STXBP5L: variants seen among roughly 807,000 people sequenced by gnomAD.
STXBP5L encodes syntaxin binding protein 5L, also known as syntaxin-binding protein 5-like.
Under a neutral mutation model 144.5 loss-of-function variants are expected in STXBP5L, and 65 were observed. The ratio of observed to expected loss-of-function variants is 0.45; its 90% CI spans 0.37 to 0.55. The LOEUF (loss-of-function observed/expected upper bound fraction) is 0.55. Among genes scored for constraint, STXBP5L ranks in the 20% least tolerant of loss-of-function variants. The pLI, the probability that STXBP5L is intolerant of heterozygous loss-of-function variation, is 0.00. For missense variants in STXBP5L, 1,298 were observed against 1,405.5 expected (o/e 0.92, Z 1.22); for synonymous variants, 505 against 469.6 (o/e 1.08, Z -0.97).
At position 121,378,820 on chromosome 3, in the gene STXBP5L, A is replaced by G; in HGVS notation, c.2281A>G (p.Arg761Gly). The change falls in exon 21 of 27, where the codon AGA becomes GGA. Residue 761 changes from arginine to glycine, a missense_variant. Arg to Gly is a moderately radical substitution (Grantham distance 125). Transcript: ENST00000471454. Reference sequence around the variant, plus strand: ...AAAAGTAAATCGCTGGGGTCCTGGAAGACCACCATTTCGAAAGGCCCAGTC... The same window carrying G: ...AAAAGTAAATCGCTGGGGTCCTGGAGGACCACCATTTCGAAAGGCCCAGTC... ...VSKVNRWGPGRPPFRKAQSAA... is the reference protein window; with the variant it reads ...VSKVNRWGPGGPPFRKAQSAA... The G allele has an allele frequency of 6.2e-7, 1 of 1,613,774 alleles. No homozygotes were observed. Among genetic ancestry groups the G allele is most frequent in the South Asian group, 1.1e-5 (1 of 91,072 alleles).
intron 3 of STXBP5L, among the ~76,000 whole-genome samples, chr3:121,017,271 G>A (rs1012689834): frequency 6.6e-6 from 1 of 152,008 alleles, no homozygotes; most frequent in South Asian, 2.1e-4. Context: ...CAACAAACTA[G>A]GAATGGAAGG....
intron 5 of STXBP5L, among the ~76,000 whole-genome samples, chr3:121,084,898 G>T (rs948241343): frequency 2.2e-4 from 34 of 151,846 alleles, no homozygotes; most frequent in African/African-American, 7.7e-4. Context: ...CTTTTTAATG[G>T]TCATCATTCT....
At chr3:121,096,856 A>G (rs2043156385) in intron 5 of STXBP5L, among the ~76,000 whole-genome samples, 1 of 152,140 alleles carries the variant, frequency 6.6e-6, no homozygotes, top group Non-Finnish European at 1.5e-5. Context: ...TCTGATGGTT[A>G]GTATAGCTCA....
At chr3:121,335,527 A>G (rs2044475570) in intron 20 of STXBP5L, among the ~76,000 whole-genome samples, 2 of 152,194 alleles carry the variant, frequency 1.3e-5, no homozygotes, top group African/African-American at 4.8e-5. Flanking sequence ...AACTGGAAGC[A>G]TCATGTTACC....
chr3:121,116,026 A>G (rs962025357), intron 6 of STXBP5L, among the ~76,000 whole-genome samples: 2 of 152,212 alleles, frequency 1.3e-5, no homozygotes, highest in East Asian at 1.9e-4. Flanking sequence ...CCCACCTTGA[A>G]CATTTAGGGA....
At chr3:121,042,053 C>T (rs995321310) in intron 4 of STXBP5L, among the ~76,000 whole-genome samples, 1 of 152,012 alleles carries the variant, frequency 6.6e-6, no homozygotes, top group African/African-American at 2.4e-5. Context: ...ATCCTAATGT[C>T]TTTTGATTGC....
At chr3:121,361,033 G>T (rs201365361) in intron 20 of STXBP5L, among the ~76,000 whole-genome samples, 1 of 151,968 alleles carries the variant, frequency 6.6e-6, no homozygotes, top group African/African-American at 2.4e-5. Context: ...TATTAGTTCC[G>T]CATGTTTCAA....
chr3:121,228,218 A>G (rs1329898956), intron 11 of STXBP5L, among the ~76,000 whole-genome samples: 1 of 152,214 alleles, frequency 6.6e-6, no homozygotes, highest in African/African-American at 2.4e-5. Context: ...TTTCTGAAGT[A>G]GTCAAAACCC....
intron 9 of STXBP5L, among the ~76,000 whole-genome samples, chr3:121,173,115 G>A (rs1366181610): frequency 2.0e-5 from 3 of 151,916 alleles, no homozygotes; most frequent in African/African-American, 7.3e-5. Flanking sequence ...CTCATAATTG[G>A]GAGTCGAACT....
chr3:121,364,229 G>T (rs143171966), intron 20 of STXBP5L, among the ~76,000 whole-genome samples: 95 of 152,170 alleles, frequency 6.2e-4, no homozygotes, highest in Non-Finnish European at 1.1e-3. Context: ...TAACTCAATG[G>T]GCTCAGTATC....
chr3:121,394,602 G>GTTTTTTTT (rs373859677), intron 22 of STXBP5L, among the ~76,000 whole-genome samples: 1 of 99,758 alleles, frequency 1.0e-5, no homozygotes, highest in Non-Finnish European at 1.9e-5. Flanking sequence ...TTTGTTGAGG[G>GTTTTTTTT]TTTTTTTTTT....
At chr3:121,226,410 A>G (rs572881900) in intron 11 of STXBP5L, among the ~76,000 whole-genome samples, 1 of 152,318 alleles carries the variant, frequency 6.6e-6, no homozygotes, top group Non-Finnish European at 1.5e-5. Flanking sequence ...TGGAATACAG[A>G]CAGTGAGGGG....
intron 18 of STXBP5L, among the ~76,000 whole-genome samples, chr3:121,279,168 G>A (rs1031023175): frequency 6.6e-6 from 1 of 151,768 alleles, no homozygotes; most frequent in Non-Finnish European, 1.5e-5. Flanking sequence ...TAATCAAAAT[G>A]CCTACTTAGA....
intron 10 of STXBP5L, among the ~76,000 whole-genome samples, chr3:121,213,243 C>G (rs568485218): frequency 2.3e-4 from 35 of 152,230 alleles, no homozygotes; most frequent in African/African-American, 8.4e-4. Flanking sequence ...ACTTCCAATA[C>G]TATGTTGAAT....
At chr3:121,032,828 T>C (rs1389774241) in intron 3 of STXBP5L, among the ~76,000 whole-genome samples, 6 of 61,692 alleles carry the variant, frequency 9.7e-5, no homozygotes, top group East Asian at 3.6e-4. Context: ...AAAATGCTCA[T>C]CATCACTGGC....
At chr3:121,103,492 G>A (rs975354664) in intron 5 of STXBP5L, among the ~76,000 whole-genome samples, 1 of 152,022 alleles carries the variant, frequency 6.6e-6, no homozygotes, top group Non-Finnish European at 1.5e-5. Context: ...AACATTGGAT[G>A]TACTTGGATA....
chr3:121,132,501 T>A (rs1461036200), intron 7 of STXBP5L, among the ~76,000 whole-genome samples: 1 of 152,170 alleles, frequency 6.6e-6, no homozygotes, highest in East Asian at 1.9e-4. Context: ...GTCCTCAGAA[T>A]CTCTGTCTAG....
At chr3:121,166,231 C>A (rs1419549475) in intron 9 of STXBP5L, among the ~76,000 whole-genome samples, 1 of 152,110 alleles carries the variant, frequency 6.6e-6, no homozygotes, top group Admixed American at 6.6e-5. Flanking sequence ...GTCTCAAATT[C>A]TTGGGCTCAA....
intron 3 of STXBP5L, among the ~76,000 whole-genome samples, chr3:120,973,417 T>G (rs1170844466): frequency 6.6e-6 from 1 of 152,086 alleles, no homozygotes; most frequent in Non-Finnish European, 1.5e-5. Flanking sequence ...TCAGTTGTAA[T>G]GTCAGAAATT....
Sources: allele counts gnomAD v4.1 joint callset (sites outside exome capture counted in the v4.1 genomes callset), GRCh38; gene constraint gnomAD v4.1.1; transcripts MANE v1.5; gene names NCBI Gene and HGNC (gene_info 2026-07-23, HGNC 2026-07-21).